Variants in CACNA2D4 observed in about 807,000 individuals in gnomAD.
CACNA2D4 encodes the protein calcium voltage-gated channel auxiliary subunit alpha2delta 4, also known as voltage-dependent calcium channel subunit alpha-2/delta-4.
Under a neutral mutation model 163.8 loss-of-function variants are expected in CACNA2D4, and 157 were observed. The observed-to-expected ratio is 0.96, with a 90% CI of 0.84 to 1.09. The LOEUF (loss-of-function observed/expected upper bound fraction) is 1.09, where lower values mean the gene tolerates loss of function less well. Among genes scored for constraint, CACNA2D4 ranks in the 50% least tolerant of loss-of-function variants. The pLI is 0.00. For synonymous variants in CACNA2D4, 598 were observed against 586.9 expected (o/e 1.02, Z -0.27); for missense variants, 1,410 against 1,479.9 (o/e 0.95, Z 0.78).
chr12:1,912,935 T>C (rs1246652374), intron 3 of CACNA2D4, 88 bp downstream of exon 3: 19 of 776,436 alleles, frequency 2.4e-5, no homozygotes, highest in Non-Finnish European at 3.8e-5. Flanking sequence ...GGGGGGAGGA[T>C]GCAGGGCCAT....
In CACNA2D4 at chr12:1,883,744, A is replaced by G. The variant is rs1019513731; in HGVS notation, c.1351+499T>C. 5.9e-5 allele frequency among the ~76,000 whole-genome samples: 9 copies of G among 152,078 alleles called. No individual in the cohort carries two copies. The highest frequency in any genetic ancestry group is 2.2e-4 in the African/African-American group (9 of 41,374). ...GTCTGTGTCTCTCCACCATCAAAGC[A>G]CATTTCAGGCTGCATCGTGGGTGGT... On this transcript the variant is annotated intron_variant, in intron 12 of 37. Coordinates refer to ENST00000382722, the MANE Select transcript of CACNA2D4 (RefSeq NM_172364.5). The surrounding 1 kb of genome is among the most constrained non-coding windows in gnomAD (Gnocchi z 4.5).
At chr12:1,804,849 ATTC>A (rs1435651470) in intron 29 of CACNA2D4, among the ~76,000 whole-genome samples, 2 of 152,236 alleles carry the variant, frequency 1.3e-5, no homozygotes, top group Non-Finnish European at 1.5e-5. Flanking sequence ...GCCTTCATCC[ATTC>A]TTTTATGAGA....
At chr12:1,908,963 C>T (rs539619637) in intron 4 of CACNA2D4, among the ~76,000 whole-genome samples, 1 of 152,262 alleles carries the variant, frequency 6.6e-6, no homozygotes, top group Admixed American at 6.5e-5. Context: ...CACTGTGGCC[C>T]GCGCTGGCCT....
At position 1,834,575 on chromosome 12, in the gene CACNA2D4, A is replaced by G; in HGVS notation, c.2551+6164T>C. The G allele has an allele frequency of 6.2e-7, 1 of 1,601,316 alleles. No individual in the cohort carries two copies. The highest frequency in any genetic ancestry group is 8.5e-7 in the Non-Finnish European group (1 of 1,179,908). The stretch of plus-strand genomic sequence containing the variant: ...AGGGGTCGTGTGCGGCGTCGTCTGC[A>G]TCATGATGGTGGTGGCCGCTGCCTA... On this transcript the variant is annotated intron_variant, in intron 26 of 37. Transcript: ENST00000382722. This position sits in a 1 kb window ranked among gnomAD's most constrained non-coding sequence, Gnocchi z 7.6.
intron 6 of CACNA2D4, among the ~76,000 whole-genome samples, chr12:1,890,432 A>G (rs1866252604): frequency 6.6e-6 from 1 of 152,180 alleles, no homozygotes; most frequent in Non-Finnish European, 1.5e-5. Flanking sequence ...TATTGGCAAT[A>G]ACCCCACTGC....
At chr12:1,891,892 A>T (rs1043170527) in intron 6 of CACNA2D4, among the ~76,000 whole-genome samples, 5 of 152,116 alleles carry the variant, frequency 3.3e-5, no homozygotes, top group Non-Finnish European at 7.4e-5. Context: ...ATTTTCTTTA[A>T]AAAAAGAATA....
At chr12:1,817,121 A>C (rs535445760) in intron 26 of CACNA2D4, among the ~76,000 whole-genome samples, 3 of 152,336 alleles carry the variant, frequency 2.0e-5, no homozygotes, top group Admixed American at 6.5e-5. Context: ...GAGAGGGATC[A>C]TCTTTTGTAA....
chr12:1,852,399 GC>G (rs1272959958), intron 23 of CACNA2D4, among the ~76,000 whole-genome samples: 1 of 152,168 alleles, frequency 6.6e-6, no homozygotes, highest in Admixed American at 6.5e-5. Context: ...GCTGGGCATG[GC>G]AGCTCATGCC....
At chr12:1,871,436 CACCTGTATGTTGCTGGTGTGTGTGT>C (rs2062062150) in intron 18 of CACNA2D4, among the ~76,000 whole-genome samples, 1 of 131,126 alleles carries the variant, frequency 7.6e-6, no homozygotes, top group Admixed American at 8.1e-5. Context: ...GGTGTGTGTA[CACCTGTATGTTGCTGGTGTGTGTGT>C]ACACGTGTGT....
chr12:1,917,728 G>A lies in CACNA2D4; in HGVS notation c.227+519C>T, dbSNP rs966072611. Among the ~76,000 whole-genome samples, 1 of 152,156 alleles carries A rather than the reference G, an allele frequency of 6.6e-6. No individual in the cohort carries two copies. Among genetic ancestry groups the A allele is most frequent in the Non-Finnish European group, 1.5e-5 (1 of 68,028 alleles). ...GAAAGGTGTAGAAAGGGAAGACTGC[G>A]GCCACCAAAATCCATTTTTTTCCCC... On this transcript the variant is annotated intron_variant, in intron 1 of 37. Transcript: ENST00000382722. The surrounding 1 kb of genome is among the most constrained non-coding windows in gnomAD (Gnocchi z 4.3).
At position 1,882,906 on chromosome 12, in the gene CACNA2D4, G is replaced by A. The variant is rs767238229; in HGVS notation, c.1446C>T (p.Asp482=). ...VLSRPMVINH[D]HDIIWTEAYM... ...AGGCCTCTGTCCAGATGATGTCGTG[G>A]TCGTGGTTGATGACCATGGGGCGGC... Residue 482 remains aspartate (D), a synonymous_variant, in exon 13 of 38, where the codon GAC becomes GAT. Transcript: ENST00000382722. The A allele has an allele frequency of 1.9e-6, 3 of 1,613,740 alleles. No individual in the cohort carries two copies. Among genetic ancestry groups the A allele is most frequent in the African/African-American group, 2.7e-5 (2 of 74,930 alleles).
At chr12:1,896,604 TAAACAC>T (rs1866406002) in intron 6 of CACNA2D4, among the ~76,000 whole-genome samples, 1 of 103,320 alleles carries the variant, frequency 9.7e-6, no homozygotes, top group Non-Finnish European at 1.9e-5. Flanking sequence ...TAGCTATTAA[TAAACAC>T]ACACACACAC....
Position 1,860,221 on chromosome 12 carries a change from A to T in CACNA2D4, c.1879-15T>A, listed in dbSNP as rs1257095348. The stretch of plus-strand genomic sequence containing the variant: ...AGAACTCGCTTCTGAAAGAGTAGAC[A>T]AGGAAAGAGTGCTCACGCAGAGAAG... On this transcript the variant is annotated splice_polypyrimidine_tract_variant and intron_variant, in intron 18 of 37. Transcript: ENST00000382722. The T allele has an allele frequency of 6.2e-7, 1 of 1,610,752 alleles. No homozygotes were observed. The highest frequency in any genetic ancestry group is 1.7e-5 in the Admixed American group (1 of 60,006).
At chr12:1,912,895 G>A (rs977959827) in intron 3 of CACNA2D4, 128 bp downstream of exon 3, 18 of 631,130 alleles carry the variant, frequency 2.9e-5, no homozygotes, top group Non-Finnish European at 4.3e-5. Context: ...GGTACAAGGC[G>A]GAATCTTGTA....
Position 1,878,873 on chromosome 12 carries a change from C to A in CACNA2D4, c.1644+83G>T. On this transcript the variant is annotated intron_variant, in intron 15 of 37. Transcript: ENST00000382722. The surrounding 1 kb of genome is among the most constrained non-coding windows in gnomAD (Gnocchi z 4.6). ...CCACCCCAGCTCTGGGCTTGGCTTG[C>A]CTGGAGAGAGGCTCCCATCACGGGG... 7.5e-7 allele frequency: 1 copy of A among 1,334,752 alleles called. No homozygotes were observed. Among genetic ancestry groups the A allele is most frequent in the Non-Finnish European group, 1.0e-6 (1 of 955,106 alleles). 82.7% of individuals were successfully genotyped at this position (1,334,752 alleles called of 1,614,324 possible). A position where few individuals can be genotyped will look rare whatever the true frequency, so the allele number is the denominator to read the frequency against.
Position 1,874,815 on chromosome 12 carries a change from G to T in CACNA2D4, c.1807-140C>A. On this transcript the variant is annotated intron_variant, in intron 17 of 37. Transcript: ENST00000382722. The surrounding 1 kb of genome is among the most constrained non-coding windows in gnomAD (Gnocchi z 4.4). ...TTTTCCTCTGAGAGAGATACCAGGAGGGAAGATGGACCTGACTCTAAGCTC... is the reference window on the plus strand; with the variant it reads ...TTTTCCTCTGAGAGAGATACCAGGATGGAAGATGGACCTGACTCTAAGCTC... 1 of 694,246 alleles carries T rather than the reference G, an allele frequency of 1.4e-6. No individual in the cohort carries two copies. The highest frequency in any genetic ancestry group is 2.7e-5 in the East Asian group (1 of 37,044). The allele number at this position is 694,246 out of a possible 1,614,324, so 43.0% of individuals were successfully genotyped here. A position where few individuals can be genotyped will look rare whatever the true frequency, so the allele number is the denominator to read the frequency against.
At chr12:1,885,593 A>G (rs1361692608) in intron 9 of CACNA2D4, among the ~76,000 whole-genome samples, 2 of 152,218 alleles carry the variant, frequency 1.3e-5, no homozygotes, top group Non-Finnish European at 2.9e-5. Context: ...GGAAAGGATG[A>G]CACTCAATGA....
intron 26 of CACNA2D4, among the ~76,000 whole-genome samples, chr12:1,823,880 T>C (rs1445972862): frequency 6.6e-6 from 1 of 152,194 alleles, no homozygotes; most frequent in Non-Finnish European, 1.5e-5. Context: ...CTTCCTTTCC[T>C]ACCTCTGCCT....
At chr12:1,810,207 G>T in intron 29 of CACNA2D4, 71 bp downstream of exon 29, 1 of 1,307,344 alleles carries the variant, frequency 7.6e-7, no homozygotes, top group Non-Finnish European at 1.1e-6. Context: ...CTCTTTAGCT[G>T]GAGTGGCTGC....
Sources: allele counts gnomAD v4.1 joint callset (sites outside exome capture counted in the v4.1 genomes callset), GRCh38; gene constraint gnomAD v4.1.1; non-coding constraint Gnocchi (gnomAD v3.1); transcripts MANE v1.5; gene names NCBI Gene and HGNC (gene_info 2026-07-23, HGNC 2026-07-21).